Variants in KSR2 observed in about 807,000 individuals in gnomAD.
KSR2 encodes the protein kinase suppressor of ras 2.
In KSR2, 25 loss-of-function variants were observed where a neutral mutation model predicts 107.8. The ratio of observed to expected loss-of-function variants is 0.23; its 90% CI spans 0.17 to 0.32. KSR2 has a LOEUF of 0.32. Ranked by LOEUF, KSR2 falls within the 10% of genes least tolerant of loss-of-function variation. The probability of loss-of-function intolerance (pLI) is 1.00; values close to 1 mark genes in which losing one functional copy is unlikely to be tolerated. For missense variants in KSR2, 887 were observed against 1,268.9 expected (o/e 0.70, Z 4.57); for synonymous variants, 480 against 507.0 (o/e 0.95, Z 0.71).
At position 117,563,384 on chromosome 12, in the gene KSR2, G is replaced by T. The variant is rs116638649; in HGVS notation, c.1326-4811C>A. ...GAAAGGAAAATGGGGAAAGTATATAGAACAAACCTAGGTTCAAATCCTGAT... is the reference window on the plus strand; with the variant it reads ...GAAAGGAAAATGGGGAAAGTATATATAACAAACCTAGGTTCAAATCCTGAT... On this transcript the variant is annotated intron_variant, in intron 7 of 19. Transcript: ENST00000339824. 7.7e-3 allele frequency among the ~76,000 whole-genome samples: 1,170 copies of T among 152,188 alleles called. 11 individuals are homozygous for T. Among genetic ancestry groups the T allele is most frequent in the African/African-American group, 0.027 (1,125 of 41,528 alleles).
At chr12:117,602,586 G>A (rs1441470007) in intron 5 of KSR2, among the ~76,000 whole-genome samples, 1 of 152,094 alleles carries the variant, frequency 6.6e-6, no homozygotes, top group African/African-American at 2.4e-5. Flanking sequence ...TCCTTTTTAT[G>A]GCTGAATAAT....
chr12:117,793,177 CACACCAATGTGCACACAT>C (rs1890338783), intron 3 of KSR2, among the ~76,000 whole-genome samples: 4 of 139,918 alleles, frequency 2.9e-5, no homozygotes, highest in African/African-American at 8.4e-5. Context: ...AACATGTACA[CACACCAATGTGCACACAT>C]ACACACCAAC....
intron 4 of KSR2, among the ~76,000 whole-genome samples, chr12:117,676,326 C>A (rs1885117377): frequency 1.3e-5 from 2 of 152,148 alleles, no homozygotes; most frequent in African/African-American, 4.8e-5. Context: ...GCTGCATTTC[C>A]CCAAGTGTGG....
intron 16 of KSR2, among the ~76,000 whole-genome samples, chr12:117,478,062 G>A (rs1401012455): frequency 6.6e-6 from 1 of 152,096 alleles, no homozygotes; most frequent in African/African-American, 2.4e-5. Flanking sequence ...TTAACACAGG[G>A]GAAGGGAGCA....
Position 117,484,250 on chromosome 12 carries a change from CAGAGCAGGGCCTTGGCATCCCACATCAGT to C in KSR2, c.2450+137_2450+165del, listed in dbSNP as rs143602678. Among the ~76,000 whole-genome samples the C allele has an allele frequency of 1.4e-3, 220 of 152,306 alleles. 4 individuals are homozygous for C. In the East Asian group the frequency reaches 0.039, roughly 27 times the overall value. On this transcript the variant is annotated intron_variant, in intron 16 of 19. Coordinates refer to ENST00000339824, the MANE Select transcript of KSR2 (RefSeq NM_173598.6). ...AGGTGCTGGCCCCCCCAGGGGGAAACAGAGCAGGGCCTTGGCATCCCACATCAGTAGAGCAGCTGCCCCACTCAGCTCAG... is the reference window on the plus strand; with the variant it reads ...AGGTGCTGGCCCCCCCAGGGGGAAACAGAGCAGCTGCCCCACTCAGCTCAG...
chr12:117,873,681 G>A (rs1476797733), intron 1 of KSR2, among the ~76,000 whole-genome samples: 10 of 152,042 alleles, frequency 6.6e-5, no homozygotes, highest in African/African-American at 1.4e-4. Context: ...GACTGGTCTC[G>A]AACTCCTGAC....
chr12:117,720,235 C>T (rs1206602871), intron 4 of KSR2, among the ~76,000 whole-genome samples: 2 of 152,146 alleles, frequency 1.3e-5, no homozygotes, highest in Non-Finnish European at 2.9e-5. Flanking sequence ...GGGAAGCAGG[C>T]CTGTTTCTTG....
intron 4 of KSR2, among the ~76,000 whole-genome samples, chr12:117,722,044 A>T (rs1030848506): frequency 6.6e-6 from 1 of 151,468 alleles, no homozygotes; most frequent in East Asian, 1.9e-4. Flanking sequence ...ATTTAATTTT[A>T]TTTTTTTTTA....
At chr12:117,668,953 G>T (rs1478394191) in intron 4 of KSR2, among the ~76,000 whole-genome samples, 1 of 152,134 alleles carries the variant, frequency 6.6e-6, no homozygotes, top group Admixed American at 6.5e-5. Context: ...AATGGTAAAA[G>T]GAAGGAAGGT....
At chr12:117,582,225 G>A (rs1406630937) in intron 6 of KSR2, 65 bp downstream of exon 6, 20 of 1,404,146 alleles carry the variant, frequency 1.4e-5, no homozygotes, top group South Asian at 4.7e-5. Context: ...CAGGGCAGGG[G>A]CCAGAGCCCC....
chr12:117,735,175 A>G (rs961519188), intron 4 of KSR2, among the ~76,000 whole-genome samples: 1 of 152,210 alleles, frequency 6.6e-6, no homozygotes, highest in African/African-American at 2.4e-5. Context: ...TGGCCCTGCA[A>G]GGAATTGTTC....
At chr12:117,470,234 T>C (rs1871363917) in intron 18 of KSR2, among the ~76,000 whole-genome samples, 1 of 147,702 alleles carries the variant, frequency 6.8e-6, no homozygotes, top group African/African-American at 2.6e-5. Flanking sequence ...CCATCCGGCA[T>C]GTATCTACAC....
intron 12 of KSR2, among the ~76,000 whole-genome samples, chr12:117,527,360 C>G (rs1875268322): frequency 6.6e-6 from 1 of 151,362 alleles, no homozygotes; most frequent in African/African-American, 2.4e-5. Flanking sequence ...CACACACACA[C>G]ACACACAACA....
At chr12:117,626,332 G>T (rs553385614) in intron 5 of KSR2, among the ~76,000 whole-genome samples, 29 of 152,224 alleles carry the variant, frequency 1.9e-4, no homozygotes, top group African/African-American at 7.0e-4. Flanking sequence ...GCTTTCTCTT[G>T]TGGGCATTTA....
At chr12:117,688,377 AG>A (rs1885672543) in intron 4 of KSR2, among the ~76,000 whole-genome samples, 1 of 152,220 alleles carries the variant, frequency 6.6e-6, no homozygotes, top group African/African-American at 2.4e-5. Context: ...ACCTTGTCTC[AG>A]AAAAAAAAAG....
At chr12:117,650,099 G>A (rs1256713042) in intron 5 of KSR2, among the ~76,000 whole-genome samples, 1 of 152,176 alleles carries the variant, frequency 6.6e-6, no homozygotes, top group Admixed American at 6.5e-5. Flanking sequence ...GTCTGTGTGG[G>A]TGTTGCCAAA....
chr12:117,615,791 C>T (rs1881845787), intron 5 of KSR2, among the ~76,000 whole-genome samples: 1 of 152,188 alleles, frequency 6.6e-6, no homozygotes. Flanking sequence ...GCTCCAAAAT[C>T]CCTGACCCAT....
intron 1 of KSR2, among the ~76,000 whole-genome samples, chr12:117,884,877 T>C (rs1379892733): frequency 1.3e-5 from 2 of 152,146 alleles, no homozygotes; most frequent in African/African-American, 2.4e-5. Context: ...CTCTTTACTT[T>C]AAACCTCACC....
At chr12:117,472,465 T>C (rs1351994020) in intron 17 of KSR2, among the ~76,000 whole-genome samples, 1 of 152,176 alleles carries the variant, frequency 6.6e-6, no homozygotes, top group Non-Finnish European at 1.5e-5. Flanking sequence ...GAGCACAAGA[T>C]TCCCCAACTT....
Sources: gnomAD v4.1 joint callset for allele counts (sites outside exome capture counted in the v4.1 genomes callset) on GRCh38, gnomAD v4.1.1 for gene constraint, MANE v1.5 for transcripts, NCBI Gene and HGNC (gene_info 2026-07-23, HGNC 2026-07-21) for gene names.